The following KCNK5 variants were observed in gnomAD, a reference collection of about 807,000 sequenced individuals.
KCNK5 encodes the protein potassium two pore domain channel subfamily K member 5.
A neutral mutation model predicts 32.9 loss-of-function variants in KCNK5; 18 were observed. That is an observed-to-expected ratio of 0.55 (90% CI 0.38 to 0.81). The LOEUF (loss-of-function observed/expected upper bound fraction) is 0.81. KCNK5 is among the 30% of genes least tolerant of loss of function. KCNK5 has a pLI of 0.00. For synonymous variants in KCNK5, 276 were observed against 275.3 expected, an observed-to-expected ratio of 1.00 and a Z score of -0.03; for missense variants, 507 against 651.0, an observed-to-expected ratio of 0.78 and a Z score of 2.41.
intron 1 of KCNK5, among the ~76,000 whole-genome samples, chr6:39,216,757 A>G (rs1771445260): frequency 6.6e-6 from 1 of 152,152 alleles, no homozygotes; most frequent in African/African-American, 2.4e-5. Context: ...TGGTGTGACT[A>G]TCCTTGCTAC....
intron 1 of KCNK5, among the ~76,000 whole-genome samples, chr6:39,220,506 TCCAGAAAATTTTTAA>T (rs1367002218): frequency 6.6e-6 from 1 of 152,094 alleles, no homozygotes; most frequent in Non-Finnish European, 1.5e-5. Flanking sequence ...GCAGGAATTC[TCCAGAAAATTTTTAA>T]CCAAGGCCTG....
Position 39,189,775 on chromosome 6 carries a change from GCA to G in KCNK5, c.*1113_*1114del, listed in dbSNP as rs951134345. ...GTGTGCGTGTGCACACACGCACTGT[GCA>G]CACACACGTGCACATCAAACACTAG... On this transcript the variant is annotated 3_prime_UTR_variant, in exon 5 of 5. Transcript: ENST00000359534. The G allele has an allele frequency of 6.6e-6, 1 of 152,664 alleles. No homozygotes were observed. Among genetic ancestry groups the G allele is most frequent in the African/African-American group, 2.4e-5 (1 of 41,450 alleles). The allele number at this position is 152,664 out of a possible 1,614,324, so 9.5% of individuals were successfully genotyped here. A position where few individuals can be genotyped will look rare whatever the true frequency, so the allele number is the denominator to read the frequency against.
rs1031412115 is a variant in KCNK5, at chr6:39,229,239, A to AC, written c.-129dup. 59 of 931,390 alleles carry AC rather than the reference A, an allele frequency of 6.3e-5. No individual in the cohort carries two copies. Among genetic ancestry groups the AC allele is most frequent in the East Asian group, 5.3e-5 (2 of 37,704 alleles). The allele number at this position is 931,390 out of a possible 1,614,324, so 57.7% of individuals were successfully genotyped here. A position where few individuals can be genotyped will look rare whatever the true frequency, so the allele number is the denominator to read the frequency against. ...TCCGCATGCGCAGTGCCCGGTACTC[A>AC]CCCCCCGCAAGCACCGCTCCCCGGA... On this transcript the variant is annotated 5_prime_UTR_variant, in exon 1 of 5. Coordinates refer to ENST00000359534, the MANE Select transcript of KCNK5 (RefSeq NM_003740.4).
intron 1 of KCNK5, among the ~76,000 whole-genome samples, chr6:39,196,986 A>G (rs1771042120): frequency 6.6e-6 from 1 of 152,186 alleles, no homozygotes; most frequent in African/African-American, 2.4e-5. Flanking sequence ...ACTGGCTCCA[A>G]CCTATCTGTG....
At chr6:39,204,707 A>G (rs1264224169) in intron 1 of KCNK5, among the ~76,000 whole-genome samples, 2 of 152,162 alleles carry the variant, frequency 1.3e-5, no homozygotes, top group Non-Finnish European at 2.9e-5. Context: ...GATCCAATCC[A>G]TTCTCCCTCA....
At position 39,194,544 on chromosome 6, in the gene KCNK5, C is replaced by G. The variant is rs1030043775; in HGVS notation, c.465+50G>C. 6 of 1,598,624 alleles carry G rather than the reference C, an allele frequency of 3.8e-6. No homozygotes were observed. The highest frequency in any genetic ancestry group is 2.7e-5 in the African/African-American group (2 of 74,598). ...CTAGAGGCCTCCTGTCCTCCCCTCACCTGTCATGGTTCCCCCATCTCTGCC... is the reference window on the plus strand; with the variant it reads ...CTAGAGGCCTCCTGTCCTCCCCTCAGCTGTCATGGTTCCCCCATCTCTGCC... On this transcript the variant is annotated intron_variant, in intron 3 of 4. Transcript: ENST00000359534. The surrounding 1 kb of genome is among the most constrained non-coding windows in gnomAD (Gnocchi z 4.7).
intron 1 of KCNK5, among the ~76,000 whole-genome samples, chr6:39,227,925 T>A (rs1425446483): frequency 6.6e-6 from 1 of 152,100 alleles, no homozygotes; most frequent in Non-Finnish European, 1.5e-5. Context: ...CTACCCCTAC[T>A]CCCTACCTGC....
At position 39,228,940 on chromosome 6, in the gene KCNK5, C is replaced by A; in HGVS notation, c.172G>T (p.Asp58Tyr). 1.2e-6 allele frequency: 2 copies of A among 1,614,140 alleles called. No homozygotes were observed. Among genetic ancestry groups the A allele is most frequent in the South Asian group, 2.2e-5 (2 of 91,076 alleles). ...CGGCGACTGACCTCTAGGATCTTGT[C>A]CAGGCCCTCCTGACCCAGGCACGGG... The part of the protein sequence containing the change: ...EFPCLGQEGL[D>Y]KILEVVSDAA... Residue 58 changes from aspartate (D) to tyrosine (Y), a missense_variant, in exon 1 of 5, where the codon GAC (aspartate) becomes TAC (tyrosine). By Grantham distance (160) the Asp-to-Tyr change is radical (BLOSUM62 -3). Around this residue, in one of 6 missense-constraint regions of KCNK5, gnomAD observed 143 missense variants for 219.1 expected, o/e 0.65. Transcript: ENST00000359534.
intron 1 of KCNK5, among the ~76,000 whole-genome samples, chr6:39,209,929 AG>A (rs1338539418): frequency 6.6e-6 from 1 of 152,160 alleles, no homozygotes; most frequent in Non-Finnish European, 1.5e-5. Context: ...ATGGATCAAA[AG>A]GCTCGATAGA....
chr6:39,202,231 C>G (rs889431147), intron 1 of KCNK5, among the ~76,000 whole-genome samples: 1 of 152,344 alleles, frequency 6.6e-6, no homozygotes, highest in East Asian at 1.9e-4. Flanking sequence ...AACTTGTCCT[C>G]TAGTGCCCCT....
At chr6:39,206,074 T>C (rs912808558) in intron 1 of KCNK5, among the ~76,000 whole-genome samples, 4 of 152,144 alleles carry the variant, frequency 2.6e-5, no homozygotes, top group African/African-American at 9.7e-5. Context: ...ATTCTGTAGA[T>C]GAGGAATCTA....
chr6:39,214,329 G>A (rs1771393064), intron 1 of KCNK5, among the ~76,000 whole-genome samples: 1 of 152,244 alleles, frequency 6.6e-6, no homozygotes, highest in South Asian at 2.1e-4. Context: ...AGAGCAGAGT[G>A]TCCCCAGCTA....
intron 1 of KCNK5, among the ~76,000 whole-genome samples, chr6:39,201,887 C>G (rs1771139117): frequency 6.6e-6 from 1 of 152,224 alleles, no homozygotes; most frequent in African/African-American, 2.4e-5. Flanking sequence ...CTTACAGAAG[C>G]ATTTGCCCAA....
intron 1 of KCNK5, among the ~76,000 whole-genome samples, chr6:39,214,719 G>C (rs1044323708): frequency 6.6e-6 from 1 of 152,106 alleles, no homozygotes; most frequent in African/African-American, 2.4e-5. Context: ...CCTCTGACAC[G>C]GGGCAGGGGA....
At chr6:39,197,135 T>C (rs1006845279) in intron 1 of KCNK5, among the ~76,000 whole-genome samples, 2 of 152,034 alleles carry the variant, frequency 1.3e-5, no homozygotes, top group African/African-American at 4.8e-5. Context: ...TTCAGCCAAA[T>C]TGCCTATAAA....
chr6:39,201,454 T>C (rs867326496), intron 1 of KCNK5, among the ~76,000 whole-genome samples: 1 of 151,994 alleles, frequency 6.6e-6, no homozygotes, highest in African/African-American at 2.4e-5. Context: ...TTTCTCCATG[T>C]CGGTCAGGCT....
chr6:39,216,570 ACTCAGAGGG>A (rs1365367714), intron 1 of KCNK5, among the ~76,000 whole-genome samples: 1 of 152,274 alleles, frequency 6.6e-6, no homozygotes, highest in Admixed American at 6.5e-5. Flanking sequence ...CTGGCTCTGG[ACTCAGAGGG>A]CCTGGGTTCA....
intron 2 of KCNK5, 79 bp downstream of exon 2, chr6:39,195,797 G>T: frequency 2.1e-6 from 2 of 950,620 alleles, no homozygotes; most frequent in South Asian, 3.1e-5. Context: ...AGGGCTGAGT[G>T]ACCAGAGCTG....
intron 1 of KCNK5, among the ~76,000 whole-genome samples, chr6:39,198,860 T>C (rs1344220088): frequency 6.6e-6 from 1 of 152,160 alleles, no homozygotes; most frequent in African/African-American, 2.4e-5. Flanking sequence ...GGCTACTCCT[T>C]GTAGTAATCA....
Sources: allele counts gnomAD v4.1 joint callset (sites outside exome capture counted in the v4.1 genomes callset), GRCh38; gene constraint gnomAD v4.1.1; regional missense constraint gnomAD v4.1.1; non-coding constraint Gnocchi (gnomAD v3.1); transcripts MANE v1.5; gene names NCBI Gene and HGNC (gene_info 2026-07-23, HGNC 2026-07-21).